Variants in EML6 observed in about 807,000 individuals in gnomAD.
EML6 encodes the protein EMAP like 6, also known as echinoderm microtubule-associated protein-like 6.
EML6 carries 154 observed loss-of-function variants against 240.1 expected under a neutral mutation model. The ratio of observed to expected loss-of-function variants is 0.64; its 90% confidence interval spans 0.56 to 0.73. The LOEUF (loss-of-function observed/expected upper bound fraction) is 0.73, where lower values mean the gene tolerates loss of function less well. Ranked by LOEUF, EML6 falls within the 30% of genes least tolerant of loss-of-function variation. EML6 has a pLI of 0.00. For missense variants in EML6, 2,964 were observed against 2,474.6 expected, an observed-to-expected ratio of 1.20 and a Z score of -4.20; for synonymous variants, 1,148 against 899.0, an observed-to-expected ratio of 1.28 and a Z score of -4.95.
chr2:54,863,343 C>T (rs983056963), intron 12 of EML6, among the ~76,000 whole-genome samples: 1 of 152,150 alleles, frequency 6.6e-6, no homozygotes, highest in South Asian at 2.1e-4. Flanking sequence ...TGTGGTGAAA[C>T]CCTGTCCCTA....
At chr2:54,764,064 A>C (rs1479740339) in intron 2 of EML6, among the ~76,000 whole-genome samples, 1 of 152,138 alleles carries the variant, frequency 6.6e-6, no homozygotes, top group Non-Finnish European at 1.5e-5. Context: ...TCTAGTCAGC[A>C]TTTTATTTTG....
At chr2:54,969,323 T>A (rs561607888) in intron 41 of EML6, among the ~76,000 whole-genome samples, 3 of 152,130 alleles carry the variant, frequency 2.0e-5, no homozygotes, top group Non-Finnish European at 4.4e-5. Flanking sequence ...CCTGAGGGGA[T>A]AAAGATGAAA....
chr2:54,889,551 TTATAAA>T (rs1416109925), intron 17 of EML6, among the ~76,000 whole-genome samples: 1 of 151,738 alleles, frequency 6.6e-6, no homozygotes, highest in East Asian at 1.9e-4. Context: ...TTTTTATTGT[TTATAAA>T]TAGAGTCCTC....
intron 7 of EML6, among the ~76,000 whole-genome samples, chr2:54,831,216 A>C (rs1171858623): frequency 6.6e-6 from 1 of 152,242 alleles, no homozygotes; most frequent in African/African-American, 2.4e-5. Flanking sequence ...TAAACTGCCT[A>C]AACGTTGGGG....
intron 17 of EML6, chr2:54,881,276 A>G (rs901987281): frequency 6.6e-6 from 1 of 152,236 alleles, no homozygotes; most frequent in Admixed American, 6.5e-5. Flanking sequence ...ACAATGATAC[A>G]TATTTACATA....
At chr2:54,865,388 G>A (rs1039581904) in intron 13 of EML6, among the ~76,000 whole-genome samples, 8 of 151,868 alleles carry the variant, frequency 5.3e-5, no homozygotes, top group Non-Finnish European at 8.8e-5. Flanking sequence ...GAGGTGGGAG[G>A]ATTGCCTGAG....
chr2:54,960,432 T>C, intron 35 of EML6, 98 bp downstream of exon 35: 1 of 834,834 alleles, frequency 1.2e-6, no homozygotes, highest in South Asian at 1.5e-5. Context: ...TGTTTACTCC[T>C]TGAAACAAGG....
At chr2:54,840,522 T>C (rs1669388164) in intron 7 of EML6, among the ~76,000 whole-genome samples, 2 of 152,224 alleles carry the variant, frequency 1.3e-5, no homozygotes, top group Admixed American at 6.5e-5. Flanking sequence ...GGGGCCTATC[T>C]TGTTCACTGT....
intron 25 of EML6, 132 bp downstream of exon 25, chr2:54,911,174 A>G (rs554755085): frequency 2.7e-5 from 14 of 521,718 alleles, no homozygotes; most frequent in African/African-American, 2.4e-4. Flanking sequence ...CGTGTCTTCA[A>G]TCTGATTGCT....
At chr2:54,808,802 T>C (rs1403796199) in intron 2 of EML6, among the ~76,000 whole-genome samples, 1 of 152,188 alleles carries the variant, frequency 6.6e-6, no homozygotes, top group African/African-American at 2.4e-5. Context: ...TGTTTGGAAA[T>C]CTTCGTGATC....
chr2:54,898,750 C>G (rs1363198520), intron 21 of EML6, among the ~76,000 whole-genome samples: 2 of 152,124 alleles, frequency 1.3e-5, no homozygotes, highest in African/African-American at 4.8e-5. Flanking sequence ...CTAAGCAAAG[C>G]CTTTTTGTAA....
At chr2:54,936,358 G>A (rs1378378648) in intron 28 of EML6, among the ~76,000 whole-genome samples, 2 of 152,170 alleles carry the variant, frequency 1.3e-5, no homozygotes, top group Admixed American at 1.3e-4. Flanking sequence ...GCCATGGTTA[G>A]TAATTTATTT....
intron 2 of EML6, among the ~76,000 whole-genome samples, chr2:54,765,500 GC>G (rs1553373627): frequency 6.6e-6 from 1 of 151,894 alleles, no homozygotes; most frequent in Non-Finnish European, 1.5e-5. Context: ...TCGCTTAGTC[GC>G]CCAGGTTGGA....
intron 26 of EML6, among the ~76,000 whole-genome samples, chr2:54,923,390 C>CACAG (rs1338545052): frequency 1.3e-5 from 2 of 151,602 alleles, no homozygotes; most frequent in African/African-American, 4.9e-5. Context: ...CACACACACA[C>CACAG]ACACACACAC....
In EML6 at chr2:54,724,087, G is replaced by A. The variant is rs1682799924; in HGVS notation, c.-514+310G>A. Among the ~76,000 whole-genome samples the A allele has an allele frequency of 6.6e-6, 1 of 152,164 alleles. No homozygotes were observed. The highest frequency in any genetic ancestry group is 1.5e-5 in the Non-Finnish European group (1 of 68,020). On this transcript the variant is annotated intron_variant, in intron 1 of 41. Transcript: ENST00000356458. The surrounding 1 kb of genome is among the most constrained non-coding windows in gnomAD (Gnocchi z 5.2). ...GCCACTTGTTATTTGATTTCTCCTC[G>A]ACCAGGAGCGTTTGTAGGTAGCGCA... is the stretch of plus-strand genomic sequence containing the variant.
upstream of EML6, chr2:54,723,631 T>A (rs1403862568): frequency 1.3e-5 from 2 of 152,210 alleles, no homozygotes; most frequent in African/African-American, 2.4e-5. Flanking sequence ...GAGCCCCGGC[T>A]GGAGGAAGAA....
chr2:54,794,543 G>A (rs551871771), intron 2 of EML6, among the ~76,000 whole-genome samples: 1 of 152,200 alleles, frequency 6.6e-6, no homozygotes, highest in Non-Finnish European at 1.5e-5. Flanking sequence ...GCACCCCTCT[G>A]GCTTCTGTAA....
At chr2:54,917,203 C>G (rs1378962415) in intron 26 of EML6, among the ~76,000 whole-genome samples, 1 of 152,200 alleles carries the variant, frequency 6.6e-6, no homozygotes, top group Non-Finnish European at 1.5e-5. Context: ...CCTTTACAAC[C>G]TCACAGACCA....
chr2:54,810,390 G>A (rs1469929680), intron 2 of EML6, among the ~76,000 whole-genome samples: 2 of 152,156 alleles, frequency 1.3e-5, no homozygotes, highest in Admixed American at 6.5e-5. Context: ...GTTGAAATCT[G>A]TTTATTCCAT....
Sources: allele counts gnomAD v4.1 joint callset (sites outside exome capture counted in the v4.1 genomes callset), GRCh38; gene constraint gnomAD v4.1.1; non-coding constraint Gnocchi (gnomAD v3.1); transcripts MANE v1.5; gene names NCBI Gene and HGNC (gene_info 2026-07-23, HGNC 2026-07-21).